Variants in AFF2 observed in about 807,000 individuals in gnomAD.
AFF2 encodes AF4/FMR2 family member 2.
Under a neutral mutation model 76.9 loss-of-function variants are expected in AFF2, and 14 were observed. The ratio of observed to expected loss-of-function variants is 0.18; its 90% CI spans 0.12 to 0.28. The LOEUF (loss-of-function observed/expected upper bound fraction) is 0.28, where lower values mean the gene tolerates loss of function less well. Among genes scored for constraint, AFF2 ranks in the 10% least tolerant of loss-of-function variants. The pLI, the probability that AFF2 is intolerant of heterozygous loss-of-function variation, is 1.00. For missense variants in AFF2, 868 were observed against 1,001.1 expected, an observed-to-expected ratio of 0.87 and a Z score of 1.79; for synonymous variants, 398 against 366.7, an observed-to-expected ratio of 1.09 and a Z score of -0.98.
chrX:148,785,060 TC>T (rs1557269386), intron 3 of AFF2, among the ~76,000 whole-genome samples: 10 of 111,283 alleles, frequency 9.0e-5, no homozygotes, highest in Non-Finnish European at 1.9e-5. Flanking sequence ...CTCCCCCCCT[TC>T]CCCCAAGGCA....
At chrX:148,568,965 G>C (rs782105687) in intron 1 of AFF2, among the ~76,000 whole-genome samples, 1 of 111,482 alleles carries the variant, frequency 9.0e-6, no homozygotes, top group African/African-American at 3.3e-5. Context: ...GGCCAAATGT[G>C]TAAGACTACA....
chrX:148,510,271 G>A (rs1384152527), intron 1 of AFF2, among the ~76,000 whole-genome samples: 1 of 111,714 alleles, frequency 9.0e-6, no homozygotes, highest in Non-Finnish European at 1.9e-5. Context: ...AATAATTTAA[G>A]CTAATAATTA....
At chrX:148,881,297 G>A (rs782008769) in intron 7 of AFF2, among the ~76,000 whole-genome samples, 4 of 111,885 alleles carry the variant, frequency 3.6e-5, no homozygotes, top group Admixed American at 9.5e-5. Flanking sequence ...TTCAGAGACA[G>A]ATGTGTGTTG....
chrX:148,560,354 C>T (rs2053097385), intron 1 of AFF2, among the ~76,000 whole-genome samples: 1 of 111,867 alleles, frequency 8.9e-6, no homozygotes, highest in African/African-American at 3.2e-5. Flanking sequence ...AACTGGACCC[C>T]TTCCTTACAC....
chrX:148,786,076 C>T (rs2069817131), intron 3 of AFF2, among the ~76,000 whole-genome samples: 1 of 111,725 alleles, frequency 9.0e-6, no homozygotes, highest in Non-Finnish European at 1.9e-5. Context: ...TAGCACCATG[C>T]CTAGCCCATA....
In AFF2 at chrX:148,658,771, C is replaced by T. The variant is rs189940022; in HGVS notation, c.181-3137C>T. Among the ~76,000 whole-genome samples, 4 of 112,440 alleles carry T rather than the reference C, an allele frequency of 3.6e-5. No individual in the cohort carries two copies. The East Asian group carries it at 1.1e-3, about 31-fold the overall frequency. On this transcript the variant is annotated intron_variant, in intron 2 of 20. Transcript: ENST00000370460. ...CCTTTTTGCCTTAGCTACCAGGAAA[C>T]TCAAAGTTCAATTTAATGTTCAATC...
intron 1 of AFF2, among the ~76,000 whole-genome samples, chrX:148,618,788 C>T (rs1481597130): frequency 1.8e-5 from 2 of 111,375 alleles, no homozygotes; most frequent in East Asian, 5.7e-4. Flanking sequence ...TTCTGCTATT[C>T]GTAGAAGTGA....
At chrX:148,948,771 G>A (rs782679078) in intron 9 of AFF2, among the ~76,000 whole-genome samples, 2 of 109,295 alleles carry the variant, frequency 1.8e-5, no homozygotes, top group South Asian at 8.1e-4. Flanking sequence ...CTACACCTGG[G>A]GCCCCTTCCT....
At chrX:148,690,910 T>C (rs2054644338) in intron 3 of AFF2, among the ~76,000 whole-genome samples, 1 of 111,796 alleles carries the variant, frequency 8.9e-6, no homozygotes, top group Admixed American at 9.5e-5. Context: ...GATGGCCACA[T>C]TCTCCCCATG....
chrX:148,556,042 G>A (rs1471324351), intron 1 of AFF2, among the ~76,000 whole-genome samples: 7 of 112,067 alleles, frequency 6.2e-5, no homozygotes, highest in Non-Finnish European at 1.1e-4. Context: ...TGTGTAGGAG[G>A]CTACATGGTA....
intron 9 of AFF2, among the ~76,000 whole-genome samples, chrX:148,951,765 T>G (rs1256483650): frequency 3.6e-5 from 4 of 110,796 alleles, no homozygotes; most frequent in Non-Finnish European, 5.7e-5. Flanking sequence ...TAAAGAGAGA[T>G]CTACAAAGGA....
chrX:148,816,581 T>C (rs781827470), intron 4 of AFF2, among the ~76,000 whole-genome samples: 37 of 111,136 alleles, frequency 3.3e-4, no homozygotes, highest in Non-Finnish European at 6.6e-4. Flanking sequence ...ATAATGAGAA[T>C]GGGCATTAAA....
At chrX:148,514,373 T>C (rs1161147674) in intron 1 of AFF2, among the ~76,000 whole-genome samples, 1 of 112,882 alleles carries the variant, frequency 8.9e-6, no homozygotes, top group African/African-American at 3.2e-5. Context: ...ATTTGTGAAT[T>C]TGGGCCTTCC....
chrX:148,972,004 A>G (rs1190046081), intron 15 of AFF2, among the ~76,000 whole-genome samples: 1 of 16,174 alleles, frequency 6.2e-5, no homozygotes, highest in Non-Finnish European at 1.1e-4. Context: ...ATTCCCACCT[A>G]TGAGTGAGAA....
At chrX:148,836,340 AG>A (rs1434677753) in intron 4 of AFF2, among the ~76,000 whole-genome samples, 32 of 112,124 alleles carry the variant, frequency 2.9e-4, no homozygotes, top group Non-Finnish European at 5.1e-4. Context: ...GAATCTGTGA[AG>A]TATCTCCTTG....
At chrX:148,694,071 A>G (rs1484706721) in intron 3 of AFF2, among the ~76,000 whole-genome samples, 6 of 108,113 alleles carry the variant, frequency 5.5e-5, no homozygotes, top group Non-Finnish European at 9.6e-5. Flanking sequence ...TCGCAAGAAC[A>G]AAAAACCAAA....
intron 4 of AFF2, among the ~76,000 whole-genome samples, chrX:148,824,660 T>A (rs904803759): frequency 8.9e-6 from 1 of 112,092 alleles, no homozygotes; most frequent in Non-Finnish European, 1.9e-5. Context: ...ATCGGCTTAT[T>A]TTTACTGACT....
intron 3 of AFF2, among the ~76,000 whole-genome samples, chrX:148,717,630 C>T (rs1306306459): frequency 4.5e-5 from 5 of 111,493 alleles, no homozygotes; most frequent in African/African-American, 1.6e-4. Flanking sequence ...AATTGGAGTG[C>T]AATTTTGAAG....
intron 3 of AFF2, among the ~76,000 whole-genome samples, chrX:148,770,631 C>T (rs1282467188): frequency 9.0e-6 from 1 of 111,602 alleles, no homozygotes; most frequent in Admixed American, 9.5e-5. Context: ...TGGCTCCTGT[C>T]GTCTGGAAGG....
Sources: gnomAD v4.1 joint callset for allele counts (sites outside exome capture counted in the v4.1 genomes callset) on GRCh38, gnomAD v4.1.1 for gene constraint, MANE v1.5 for transcripts, NCBI Gene and HGNC (gene_info 2026-07-23, HGNC 2026-07-21) for gene names.